The following NRCAM variants were observed in gnomAD, a reference collection of about 807,000 sequenced individuals.
The protein encoded by NRCAM is NgCAM-related cell adhesion molecule.
In NRCAM, 83 loss-of-function variants were observed where a neutral mutation model predicts 156.5. The observed-to-expected ratio is 0.53, with a 90% CI of 0.44 to 0.64. The LOEUF (loss-of-function observed/expected upper bound fraction) is 0.64. Ranked by LOEUF, NRCAM falls within the 30% of genes least tolerant of loss-of-function variation. The pLI, the probability that NRCAM is intolerant of heterozygous loss-of-function variation, is 0.00. For synonymous variants in NRCAM, 538 were observed against 563.9 expected (o/e 0.95, Z 0.65); for missense variants, 1,417 against 1,597.3 (o/e 0.89, Z 1.92).
At chr7:108,157,410 G>A (rs2046173042) in intron 32 of NRCAM, among the ~76,000 whole-genome samples, 1 of 152,176 alleles carries the variant, frequency 6.6e-6, no homozygotes, top group South Asian at 2.1e-4. Context: ...TACTTGCCAC[G>A]TACTGCTCCA....
intron 2 of NRCAM, among the ~76,000 whole-genome samples, chr7:108,392,946 C>G (rs1483734869): frequency 6.6e-6 from 1 of 152,132 alleles, no homozygotes; most frequent in East Asian, 1.9e-4. Flanking sequence ...CAGAGGGGTA[C>G]CCAGCCGTGT....
At chr7:108,212,874 A>C (rs973968514) in intron 11 of NRCAM, among the ~76,000 whole-genome samples, 1 of 152,204 alleles carries the variant, frequency 6.6e-6, no homozygotes, top group Non-Finnish European at 1.5e-5. Flanking sequence ...GGACCTAGAC[A>C]TTCAAATACA....
intron 2 of NRCAM, among the ~76,000 whole-genome samples, chr7:108,365,176 T>C (rs2099584470): frequency 6.6e-6 from 1 of 152,184 alleles, no homozygotes; most frequent in Admixed American, 6.5e-5. Context: ...TACATTATTT[T>C]ATTTAATCCT....
intron 2 of NRCAM, among the ~76,000 whole-genome samples, chr7:108,371,619 T>G (rs1403787076): frequency 6.6e-6 from 1 of 152,162 alleles, no homozygotes; most frequent in African/African-American, 2.4e-5. Context: ...GTTGAATATC[T>G]CTAGGTGTAA....
chr7:108,390,954 C>T (rs1263691284), intron 2 of NRCAM, among the ~76,000 whole-genome samples: 1 of 152,162 alleles, frequency 6.6e-6, no homozygotes, highest in Non-Finnish European at 1.5e-5. Context: ...GTTATAGTTT[C>T]TGTTCTTTTA....
intron 32 of NRCAM, among the ~76,000 whole-genome samples, chr7:108,158,540 A>G (rs1263308699): frequency 6.6e-6 from 1 of 152,102 alleles, no homozygotes; most frequent in African/African-American, 2.4e-5. Flanking sequence ...CTTCTCTACA[A>G]ATGTTGCCTG....
intron 1 of NRCAM, among the ~76,000 whole-genome samples, chr7:108,436,612 AT>A (rs1161657067): frequency 2.0e-5 from 3 of 152,294 alleles, no homozygotes; most frequent in African/African-American, 2.4e-5. Flanking sequence ...CATTTAAAAA[AT>A]TTTTTCATAA....
At chr7:108,226,824 C>G (rs2023503) in intron 8 of NRCAM, among the ~76,000 whole-genome samples, 63,374 of 150,412 alleles carry the variant, frequency 0.42, 14,256 homozygotes, top group African/African-American at 0.58. Flanking sequence ...TACGTGGAGA[C>G]CATCTAACAA....
intron 3 of NRCAM, among the ~76,000 whole-genome samples, chr7:108,251,429 T>G (rs2096340931): frequency 1.3e-5 from 2 of 152,234 alleles, no homozygotes. Flanking sequence ...TATCAGGGCT[T>G]ATGCTTTGAA....
intron 14 of NRCAM, among the ~76,000 whole-genome samples, chr7:108,197,028 A>T (rs1487863880): frequency 6.6e-6 from 1 of 152,178 alleles, no homozygotes; most frequent in East Asian, 1.9e-4. Flanking sequence ...AAAGAAGGAA[A>T]TTCTATCATT....
intron 3 of NRCAM, among the ~76,000 whole-genome samples, chr7:108,277,745 G>A (rs139653182): frequency 1.5e-4 from 23 of 152,030 alleles, no homozygotes; most frequent in African/African-American, 4.3e-4. Flanking sequence ...CTGTCAACTC[G>A]TCAAACTCAT....
chr7:108,188,399 G>GTGTA (rs923114660), intron 20 of NRCAM, among the ~76,000 whole-genome samples: 6 of 101,244 alleles, frequency 5.9e-5, no homozygotes, highest in African/African-American at 1.8e-4. Context: ...GTGTGTGTGT[G>GTGTA]TATATATACA....
intron 3 of NRCAM, among the ~76,000 whole-genome samples, chr7:108,290,871 C>T (rs2098268184): frequency 6.6e-6 from 1 of 152,160 alleles, no homozygotes; most frequent in African/African-American, 2.4e-5. Flanking sequence ...CCTCAAAGCT[C>T]TGCAGCACTG....
rs113303645 is a variant in NRCAM at position 108,165,332 on chromosome 7, G to A, written c.3466+1589C>T. ...CTACTGGGCGACCTGGCAGGTACTC[G>A]ACCTCTCTGACTTGAGGGGTAAGTG... On this transcript the variant is annotated intron_variant, in intron 30 of 32. Transcript: ENST00000379028. Among the ~76,000 whole-genome samples, 202 of 152,218 alleles carry A rather than the reference G, an allele frequency of 1.3e-3. 2 individuals are homozygous for A. The highest frequency in any genetic ancestry group is 4.6e-3 in the African/African-American group (192 of 41,532).
Position 108,230,898 on chromosome 7 carries a change from T to A in NRCAM, c.550+133A>T, listed in dbSNP as rs2094244542. 4 of 640,304 alleles carry A rather than the reference T, an allele frequency of 6.2e-6. No homozygotes were observed. The Admixed American group carries it at 1.0e-4, about 16-fold the overall frequency. The allele number at this position is 640,304 out of a possible 1,614,324, so 39.7% of individuals were successfully genotyped here. A position where few individuals can be genotyped will look rare whatever the true frequency, so the allele number is the denominator to read the frequency against. On this transcript the variant is annotated intron_variant, in intron 8 of 32. Coordinates refer to ENST00000379028, the MANE Select transcript of NRCAM (RefSeq NM_001037132.4). Reference sequence around the variant, plus strand: ...AGTGAGTGAATGAGATGACATGTTATTTATTTTGAAGAGCAGCTGTTTTCC... The same window carrying A: ...AGTGAGTGAATGAGATGACATGTTAATTATTTTGAAGAGCAGCTGTTTTCC...
chr7:108,217,026 A>T (rs922718350), intron 11 of NRCAM, among the ~76,000 whole-genome samples: 62 of 138,940 alleles, frequency 4.5e-4, no homozygotes, highest in Admixed American at 2.9e-3. Context: ...GACCTTTTGT[A>T]CTGGTTTTTC....
chr7:108,335,452 T>TTTTTTTTC, intron 2 of NRCAM, among the ~76,000 whole-genome samples: 2 of 145,558 alleles, frequency 1.4e-5, no homozygotes, highest in African/African-American at 5.1e-5. Context: ...TTTTTTTTTT[T>TTTTTTTTC]TTTTTTTCAG....
intron 26 of NRCAM, among the ~76,000 whole-genome samples, chr7:108,177,280 C>G (rs449919): frequency 0.82 from 124,492 of 152,098 alleles, 51,103 homozygotes; most frequent in East Asian, 0.99. Context: ...TAGAACACAG[C>G]ATCCCAGAAA....
At chr7:108,411,725 G>C (rs910981136) in intron 1 of NRCAM, among the ~76,000 whole-genome samples, 3 of 152,034 alleles carry the variant, frequency 2.0e-5, no homozygotes, top group Non-Finnish European at 4.4e-5. Flanking sequence ...TAGAGACGGG[G>C]TTTCACCATG....
Sources: allele counts gnomAD v4.1 joint callset (sites outside exome capture counted in the v4.1 genomes callset), GRCh38; gene constraint gnomAD v4.1.1; transcripts MANE v1.5; gene names NCBI Gene and HGNC (gene_info 2026-07-23, HGNC 2026-07-21).